Variants in ANKH observed in about 807,000 individuals in gnomAD.
ANKH encodes the protein mineralization regulator ANKH.
Under a neutral mutation model 49.0 loss-of-function variants are expected in ANKH, and 15 were observed. The ratio of observed to expected loss-of-function variants is 0.31; its 90% CI spans 0.20 to 0.47. The LOEUF (loss-of-function observed/expected upper bound fraction) is 0.47, where lower values mean the gene tolerates loss of function less well. Ranked by LOEUF, ANKH falls within the 20% of genes least tolerant of loss-of-function variation. The pLI is 1.00. For missense variants in ANKH, 429 were observed against 652.0 expected (o/e 0.66, Z 3.72); for synonymous variants, 273 against 260.0 (o/e 1.05, Z -0.48).
intron 1 of ANKH, among the ~76,000 whole-genome samples, chr5:14,795,425 T>C (rs985564397): frequency 7.9e-5 from 12 of 152,226 alleles, no homozygotes; most frequent in African/African-American, 2.9e-4. Context: ...AAACTCATCT[T>C]AAGTTAAAAT....
intron 1 of ANKH, among the ~76,000 whole-genome samples, chr5:14,794,196 T>C (rs913370185): frequency 6.6e-6 from 1 of 152,242 alleles, no homozygotes; most frequent in Admixed American, 6.5e-5. Flanking sequence ...CAGCCTATTC[T>C]AGAGCAGCAG....
intron 8 of ANKH, among the ~76,000 whole-genome samples, chr5:14,738,006 C>T (rs1420456396): frequency 6.6e-6 from 1 of 152,174 alleles, no homozygotes; most frequent in African/African-American, 2.4e-5. Flanking sequence ...AAATGGCGAA[C>T]ATTTCCATTT....
intron 1 of ANKH, among the ~76,000 whole-genome samples, chr5:14,813,807 T>C (rs1486964483): frequency 6.6e-6 from 1 of 152,160 alleles, no homozygotes; most frequent in Non-Finnish European, 1.5e-5. Context: ...ACCTCCATCT[T>C]CAGAACCCAT....
In ANKH at chr5:14,796,024, T is replaced by C. The variant is rs184720073; in HGVS notation, c.97-26833A>G. Reference sequence around the variant, plus strand: ...AAAATTATTTTGAACATATTTTCCTTCCCAATTGTCAGACTAGATCTTAGC... The same window carrying C: ...AAAATTATTTTGAACATATTTTCCTCCCCAATTGTCAGACTAGATCTTAGC... On this transcript the variant is annotated intron_variant, in intron 1 of 11. Coordinates refer to ENST00000284268, the MANE Select transcript of ANKH (RefSeq NM_054027.6). 8.6e-4 allele frequency among the ~76,000 whole-genome samples: 131 copies of C among 152,296 alleles called. 1 individual carries two copies. The highest frequency in any genetic ancestry group is 1.1e-3 in the Non-Finnish European group (73 of 68,020).
chr5:14,726,251 T>A (rs189383000), intron 8 of ANKH, among the ~76,000 whole-genome samples: 3 of 152,158 alleles, frequency 2.0e-5, no homozygotes, highest in Non-Finnish European at 4.4e-5. Flanking sequence ...GACGCAGCCA[T>A]AAGGAATGCT....
chr5:14,721,854 G>A (rs572208235), intron 8 of ANKH, among the ~76,000 whole-genome samples: 30 of 151,244 alleles, frequency 2.0e-4, no homozygotes, highest in Non-Finnish European at 1.0e-4. Context: ...GGCGTGAATC[G>A]GGGAGGCGGA....
chr5:14,749,388 T>C, intron 5 of ANKH, 82 bp from the exon 6 acceptor site: 1 of 1,504,476 alleles, frequency 6.6e-7, no homozygotes. Context: ...AGCTTTTCCT[T>C]CGTATGTTAA....
Position 14,710,173 on chromosome 5 carries a change from A to ATGAC in ANKH, c.*1020_*1023dup, listed in dbSNP as rs1471020566. Reference sequence around the variant, plus strand: ...TCTCAATTACCTGTACCGCAGAGTTATGACTAAGGATAGCAGAACCAGGTA... The same window carrying ATGAC: ...TCTCAATTACCTGTACCGCAGAGTTATGACTGACTAAGGATAGCAGAACCAGGTA... On this transcript the variant is annotated 3_prime_UTR_variant, in exon 12 of 12. Transcript: ENST00000284268. The ATGAC allele has an allele frequency of 2.6e-5, 4 of 152,252 alleles. No individual in the cohort carries two copies. The highest frequency in any genetic ancestry group is 5.9e-5 in the Non-Finnish European group (4 of 68,044). The allele number at this position is 152,252 out of a possible 1,614,324, so 9.4% of individuals were successfully genotyped here. A position where few individuals can be genotyped will look rare whatever the true frequency, so the allele number is the denominator to read the frequency against.
Position 14,770,535 on chromosome 5 carries a change from A to C in ANKH, c.97-1344T>G, listed in dbSNP as rs1300104055. On this transcript the variant is annotated intron_variant, in intron 1 of 11. Transcript: ENST00000284268. The surrounding 1 kb of genome is among the most constrained non-coding windows in gnomAD (Gnocchi z 4.1). ...CAAACAGAATAATTATTAACAATAT[A>C]TTATAATAAAAGTTTTATCAATGTG... Among the ~76,000 whole-genome samples, 1 of 152,220 alleles carries C rather than the reference A, an allele frequency of 6.6e-6. No homozygotes were observed. The highest frequency in any genetic ancestry group is 1.5e-5 in the Non-Finnish European group (1 of 68,052).
At chr5:14,754,899 AG>A (rs1415949801) in intron 4 of ANKH, among the ~76,000 whole-genome samples, 1 of 152,102 alleles carries the variant, frequency 6.6e-6, no homozygotes, top group Non-Finnish European at 1.5e-5. Context: ...AATATGAAGA[AG>A]CCCCATCTCT....
At chr5:14,751,353 T>G (rs1738711617) in intron 4 of ANKH, 114 bp from the exon 5 acceptor site, 1 of 1,156,428 alleles carries the variant, frequency 8.6e-7, no homozygotes, top group African/African-American at 1.5e-5. Flanking sequence ...GATCTTGACT[T>G]TTATGCAAAC....
intron 8 of ANKH, among the ~76,000 whole-genome samples, chr5:14,738,877 C>A (rs142016708): frequency 6.6e-6 from 1 of 152,158 alleles, no homozygotes; most frequent in Non-Finnish European, 1.5e-5. Context: ...TGAATGCTGT[C>A]GGTACCTTAC....
intron 1 of ANKH, chr5:14,797,321 T>C (rs564279767): frequency 6.3e-7 from 1 of 1,592,180 alleles, no homozygotes; most frequent in East Asian, 2.2e-5. Context: ...GTGGCCTGTC[T>C]TCTGCATCTT....
intron 1 of ANKH, among the ~76,000 whole-genome samples, chr5:14,846,295 T>C (rs1741958253): frequency 6.6e-6 from 1 of 152,220 alleles, no homozygotes; most frequent in Admixed American, 6.5e-5. Flanking sequence ...ACTATTTCCA[T>C]GATACAAGGA....
chr5:14,798,298 C>T (rs1160169678), intron 1 of ANKH: 2 of 1,599,050 alleles, frequency 1.3e-6, no homozygotes, highest in Non-Finnish European at 1.7e-6. Context: ...TGGGTCATCA[C>T]CAAATTATAA....
chr5:14,749,073 G>A lies in ANKH; in HGVS notation c.822+99C>T, dbSNP rs1738630402. ...GACTGTCATGTAATTTAATATTGGG[G>A]AATTACTTGAGCTCTCGAGAAGAAC... On this transcript the variant is annotated intron_variant, in intron 6 of 11. Coordinates refer to ENST00000284268, the MANE Select transcript of ANKH (RefSeq NM_054027.6). 4.0e-6 allele frequency: 6 copies of A among 1,510,688 alleles called. No individual in the cohort carries two copies. The Admixed American group carries it at 6.7e-5, about 17-fold the overall frequency. The allele number at this position is 1,510,688 out of a possible 1,614,324, so 93.6% of individuals were successfully genotyped here.
At chr5:14,751,687 T>C (rs889727552) in intron 4 of ANKH, among the ~76,000 whole-genome samples, 2 of 151,780 alleles carry the variant, frequency 1.3e-5, no homozygotes, top group African/African-American at 4.8e-5. Flanking sequence ...TTAGTAAAAT[T>C]TGAAAAACAA....
intron 8 of ANKH, among the ~76,000 whole-genome samples, chr5:14,732,008 G>C (rs1357065554): frequency 6.6e-6 from 1 of 152,214 alleles, no homozygotes; most frequent in African/African-American, 2.4e-5. Context: ...ACAGGACCCA[G>C]GTTTCTGTGG....
chr5:14,771,928 A>C (rs1208978189), intron 1 of ANKH, among the ~76,000 whole-genome samples: 2 of 134,962 alleles, frequency 1.5e-5, no homozygotes, highest in Non-Finnish European at 3.3e-5. Flanking sequence ...AAAGAAAAAA[A>C]AAAAAAAAAA....
Sources: gnomAD v4.1 joint callset for allele counts (sites outside exome capture counted in the v4.1 genomes callset) on GRCh38, gnomAD v4.1.1 for gene constraint, Gnocchi (gnomAD v3.1) non-coding constraint, MANE v1.5 for transcripts, NCBI Gene and HGNC (gene_info 2026-07-23, HGNC 2026-07-21) for gene names.